The following DNAI7 variants were observed in gnomAD, a reference collection of about 807,000 sequenced individuals.
DNAI7 encodes the protein dynein axonemal intermediate chain 7, also known as cancer susceptibility 1.
A neutral mutation model predicts 86.6 loss-of-function variants in DNAI7; 78 were observed. The ratio of observed to expected loss-of-function variants is 0.90; its 90% CI spans 0.75 to 1.09. The LOEUF is 1.09. DNAI7 is among the 50% of genes least tolerant of loss of function. The pLI is 0.00. For synonymous variants in DNAI7, 274 were observed against 273.0 expected, an observed-to-expected ratio of 1.00 and a Z score of -0.04; for missense variants, 753 against 810.2, an observed-to-expected ratio of 0.93 and a Z score of 0.86.
At position 25,176,500 on chromosome 12, in the gene DNAI7, T is replaced by C. The variant is rs199568907; in HGVS notation, c.21+14114A>G. ...CTTTTTCTTTTTTCTGGTTAGCTCATAATCCATGGATAAATGCTAGCTAGT... is the reference window on the plus strand; with the variant it reads ...CTTTTTCTTTTTTCTGGTTAGCTCACAATCCATGGATAAATGCTAGCTAGT... On this transcript the variant is annotated intron_variant, in intron 2 of 15. Transcript: ENST00000395987. Among the ~76,000 whole-genome samples the C allele has an allele frequency of 9.2e-5, 14 of 152,072 alleles. No individual in the cohort carries two copies. In the East Asian group the frequency reaches 2.7e-3, roughly 29 times the overall value.
At chr12:25,156,690 G>A (rs1256159037) in intron 4 of DNAI7, among the ~76,000 whole-genome samples, 2 of 151,834 alleles carry the variant, frequency 1.3e-5, no homozygotes, top group African/African-American at 2.4e-5. Context: ...GCAGTGAGCC[G>A]AGATTATGCC....
At chr12:25,124,282 G>A (rs2140496587) in intron 9 of DNAI7, among the ~76,000 whole-genome samples, 1 of 130,726 alleles carries the variant, frequency 7.6e-6, no homozygotes, top group South Asian at 2.8e-4. Flanking sequence ...TCTTCCCCCT[G>A]ACCAGCTTTA....
intron 14 of DNAI7, among the ~76,000 whole-genome samples, chr12:25,110,730 C>G (rs936472861): frequency 1.3e-5 from 2 of 152,184 alleles, no homozygotes; most frequent in Admixed American, 6.5e-5. Context: ...GTCATATGGC[C>G]TCAGCCTCAC....
intron 15 of DNAI7, among the ~76,000 whole-genome samples, chr12:25,109,165 C>T (rs1949556037): frequency 6.6e-6 from 1 of 152,110 alleles, no homozygotes; most frequent in African/African-American, 2.4e-5. Context: ...AACAACAAAG[C>T]CCTGCCCTCA....
At chr12:25,118,776 G>C (rs1056722375) in intron 12 of DNAI7, among the ~76,000 whole-genome samples, 9 of 152,074 alleles carry the variant, frequency 5.9e-5, no homozygotes, top group Non-Finnish European at 8.8e-5. Context: ...ATGTTGCCCA[G>C]GCTGGTCTTA....
intron 13 of DNAI7, among the ~76,000 whole-genome samples, chr12:25,113,980 C>T (rs1257479528): frequency 1.6e-5 from 2 of 121,592 alleles, no homozygotes; most frequent in East Asian, 4.4e-4. Context: ...GAGTTTCACT[C>T]TGTTGCCCAG....
At chr12:25,178,691 G>T (rs1297058284) in intron 2 of DNAI7, among the ~76,000 whole-genome samples, 1 of 152,118 alleles carries the variant, frequency 6.6e-6, no homozygotes, top group African/African-American at 2.4e-5. Flanking sequence ...AGTGATAAGT[G>T]ATATGGAAGA....
chr12:25,170,390 C>CA (rs756021792), intron 2 of DNAI7, among the ~76,000 whole-genome samples: 429 of 90,432 alleles, frequency 4.7e-3, no homozygotes, highest in Middle Eastern at 6.8e-3. Context: ...GACTCCGTCT[C>CA]AAAAAAAAAA....
intron 6 of DNAI7, among the ~76,000 whole-genome samples, chr12:25,150,685 C>T (rs2140926165): frequency 6.6e-6 from 1 of 151,664 alleles, no homozygotes; most frequent in Non-Finnish European, 1.5e-5. Context: ...ACAACATAAC[C>T]TATGATGCCT....
chr12:25,155,309 AC>A lies in DNAI7; in HGVS notation c.300+1del. Reference sequence around the variant, plus strand: ...TAGCTAAAAAAGAGAAATCAGTCCTACCTGAGAAAGCAATTTAGTTTCCTGT... The same window carrying A: ...TAGCTAAAAAAGAGAAATCAGTCCTACTGAGAAAGCAATTTAGTTTCCTGT... On this transcript the variant is annotated splice_donor_variant, in intron 5 of 15. Transcript: ENST00000395987. LOFTEE classifies it high-confidence loss of function. 1.9e-6 allele frequency: 3 copies of A among 1,546,990 alleles called. No individual in the cohort carries two copies. The highest frequency in any genetic ancestry group is 2.7e-6 in the Non-Finnish European group (3 of 1,122,102).
At chr12:25,130,334 G>A (rs547288148) in intron 9 of DNAI7, among the ~76,000 whole-genome samples, 2 of 151,466 alleles carry the variant, frequency 1.3e-5, no homozygotes, top group Admixed American at 6.6e-5. Context: ...TCAGGAGATC[G>A]AGACCATCCT....
intron 12 of DNAI7, among the ~76,000 whole-genome samples, chr12:25,117,816 T>C (rs1299062621): frequency 6.6e-6 from 1 of 152,200 alleles, no homozygotes; most frequent in African/African-American, 2.4e-5. Flanking sequence ...GTACAATTTA[T>C]AAACGATTAA....
chr12:25,115,733 G>A (rs932946456), intron 12 of DNAI7, among the ~76,000 whole-genome samples: 6 of 152,116 alleles, frequency 3.9e-5, no homozygotes, highest in Non-Finnish European at 7.4e-5. Context: ...AAAATGGTAC[G>A]GCTACTTTGA....
rs776787576 is a variant in DNAI7, at chr12:25,144,601, C to T, written c.766G>A (p.Val256Ile). 4 of 1,614,004 alleles carry T rather than the reference C, an allele frequency of 2.5e-6. No homozygotes were observed. The highest frequency in any genetic ancestry group is 2.2e-5 in the East Asian group (1 of 44,872). ...TCATAGTGGGTATGCAGGAGTCGTACAGCAATGTCACTTGTTGCTAATATC... is the reference window on the plus strand; with the variant it reads ...TCATAGTGGGTATGCAGGAGTCGTATAGCAATGTCACTTGTTGCTAATATC... Reference protein sequence around the residue: ...PRILATSDIAVRLLHTHYDHV... With the variant: ...PRILATSDIAIRLLHTHYDHV... The change falls in exon 9 of 16, where the codon GTA becomes ATA. Residue 256 changes from valine (V) to isoleucine (I), a missense_variant. Val to Ile is a conservative substitution (Grantham distance 29). Transcript: ENST00000395987.
intron 12 of DNAI7, among the ~76,000 whole-genome samples, chr12:25,115,527 A>G (rs1325162481): frequency 1.1e-5 from 1 of 92,360 alleles, no homozygotes; most frequent in Non-Finnish European, 2.8e-5. Context: ...AAATGATTTG[A>G]ATAAACATTT....
At chr12:25,112,557 C>A (rs1939133978) in intron 13 of DNAI7, among the ~76,000 whole-genome samples, 1 of 151,834 alleles carries the variant, frequency 6.6e-6, no homozygotes, top group South Asian at 2.1e-4. Flanking sequence ...CAGGCGCCCA[C>A]CACCACACCC....
intron 12 of DNAI7, among the ~76,000 whole-genome samples, chr12:25,118,035 G>C (rs982422867): frequency 1.3e-5 from 2 of 149,672 alleles, no homozygotes; most frequent in Non-Finnish European, 3.0e-5. Context: ...CCAGGTTCAA[G>C]CAATTCTCCT....
chr12:25,129,577 A>G (rs1200239037), intron 9 of DNAI7, among the ~76,000 whole-genome samples: 2 of 152,144 alleles, frequency 1.3e-5, no homozygotes, highest in African/African-American at 4.8e-5. Flanking sequence ...CACGATGATC[A>G]CAAAACATCC....
At chr12:25,181,774 T>C (rs1382143411) in intron 2 of DNAI7, among the ~76,000 whole-genome samples, 10 of 151,966 alleles carry the variant, frequency 6.6e-5, no homozygotes, top group Admixed American at 6.6e-4. Context: ...CATGAACAAA[T>C]GCTCAAGATC....
Sources: gnomAD v4.1 joint callset for allele counts (sites outside exome capture counted in the v4.1 genomes callset) on GRCh38, gnomAD v4.1.1 for gene constraint, MANE v1.5 for transcripts, NCBI Gene and HGNC (gene_info 2026-07-23, HGNC 2026-07-21) for gene names.